Variants in LEMD3 observed in about 807,000 individuals in gnomAD.
LEMD3 encodes LEM domain containing 3, also known as inner nuclear membrane protein Man1.
In LEMD3, 33 loss-of-function variants were observed where a neutral mutation model predicts 95.2. That is an observed-to-expected ratio of 0.35 (90% CI 0.26 to 0.46). LEMD3 has a LOEUF of 0.46. Among genes scored for constraint, LEMD3 ranks in the 20% least tolerant of loss-of-function variants. The pLI is 1.00. For missense variants in LEMD3, 1,210 were observed against 1,192.8 expected, an observed-to-expected ratio of 1.01 and a Z score of -0.21; for synonymous variants, 525 against 474.6, an observed-to-expected ratio of 1.11 and a Z score of -1.38.
intron 12 of LEMD3, 110 bp downstream of exon 12, chr12:65,246,049 AT>A: frequency 1.6e-6 from 2 of 1,253,774 alleles, no homozygotes; most frequent in Non-Finnish European, 2.3e-6. Flanking sequence ...TTGAGTAATA[AT>A]TTTAGATGAC....
rs758194466 is a variant in LEMD3 at position 65,170,153 on chromosome 12, A to G, written c.557A>G (p.Asn186Ser). The G allele has an allele frequency of 1.3e-6, 2 of 1,483,472 alleles. No individual in the cohort carries two copies. The highest frequency in any genetic ancestry group is 8.9e-7 in the Non-Finnish European group (1 of 1,122,130). 91.9% of individuals were successfully genotyped at this position (1,483,472 alleles called of 1,614,324 possible). A position where few individuals can be genotyped will look rare whatever the true frequency, so the allele number is the denominator to read the frequency against. ...GCCGCCAGCGAGGTGACTAACAGCA[A>G]CTCTGCAGAGCGAAGGAAGCCCCAC... ...PLAASEVTNS[N>S]SAERRKPHSW... The change falls in exon 1 of 13, where the codon AAC (asparagine) becomes AGC (serine). Residue 186 changes from asparagine (N) to serine (S), a missense_variant. By Grantham distance (46) the Asn-to-Ser change is conservative. Transcript: ENST00000308330.
chr12:65,193,435 C>T (rs1869307194), intron 1 of LEMD3, among the ~76,000 whole-genome samples: 1 of 152,044 alleles, frequency 6.6e-6, no homozygotes, highest in African/African-American at 2.4e-5. Context: ...AGGGGCCAGC[C>T]TATGCAGTGT....
intron 4 of LEMD3, among the ~76,000 whole-genome samples, chr12:65,225,386 G>A (rs773546083): frequency 1.3e-4 from 20 of 152,180 alleles, no homozygotes; most frequent in Middle Eastern, 3.4e-3. Flanking sequence ...ATATGTCTGT[G>A]TAGACATTCT....
intron 4 of LEMD3, among the ~76,000 whole-genome samples, chr12:65,236,421 G>A (rs758079198): frequency 6.6e-6 from 1 of 152,050 alleles, no homozygotes; most frequent in Non-Finnish European, 1.5e-5. Flanking sequence ...GGTGGCACAC[G>A]CCTGTAGTAT....
intron 4 of LEMD3, among the ~76,000 whole-genome samples, chr12:65,228,411 T>C (rs1004862312): frequency 6.6e-6 from 1 of 151,202 alleles, no homozygotes; most frequent in African/African-American, 2.4e-5. Flanking sequence ...TATTTTTTTT[T>C]TTGAGGTGGA....
intron 1 of LEMD3, among the ~76,000 whole-genome samples, chr12:65,197,215 TA>T (rs1869460501): frequency 6.6e-6 from 1 of 152,160 alleles, no homozygotes; most frequent in Non-Finnish European, 1.5e-5. Context: ...TGATTTGTTT[TA>T]ATAGTAGTCA....
chr12:65,170,503 G>T lies in LEMD3; in HGVS notation c.907G>T (p.Gly303Cys), dbSNP rs35221558. 743 of 1,614,150 alleles carry T rather than the reference G, an allele frequency of 4.6e-4. 2 individuals carry two copies. The Middle Eastern group carries it at 4.9e-3, about 11-fold the overall frequency. Residue 303 changes from glycine to cysteine, a missense_variant, in exon 1 of 13, where the codon GGC (glycine) becomes TGC (cysteine). Gly to Cys is a radical substitution (Grantham distance 159). Transcript: ENST00000308330. ...CCCCCCGCTGACTGCTAAATCGGCC[G>T]GCGGCAGGCTGGAGACTTCAGTTCA... ...PLPPLTAKSAGGRLETSVQGG... is the reference protein window; with the variant it reads ...PLPPLTAKSACGRLETSVQGG...
chr12:65,186,780 T>C (rs1292573172), intron 1 of LEMD3, among the ~76,000 whole-genome samples: 3 of 151,938 alleles, frequency 2.0e-5, no homozygotes, highest in African/African-American at 7.2e-5. Context: ...AGGAGTTAAG[T>C]AAGTAAAAAT....
chr12:65,243,489 G>T lies in LEMD3; in HGVS notation c.2387+20G>T, dbSNP rs1476262893. 2 of 1,357,012 alleles carry T rather than the reference G, an allele frequency of 1.5e-6. No homozygotes were observed. Among genetic ancestry groups the T allele is most frequent in the African/African-American group, 2.9e-5 (2 of 69,956 alleles). 84.1% of individuals were successfully genotyped at this position (1,357,012 alleles called of 1,614,324 possible). A position where few individuals can be genotyped will look rare whatever the true frequency, so the allele number is the denominator to read the frequency against. ...CGTTATGTAAGTATTATGATCAGGG[G>T]TACATGTAACTCTTATTCTGAATAT... On this transcript the variant is annotated intron_variant, in intron 10 of 12. Transcript: ENST00000308330.
At chr12:65,178,528 C>T (rs1307223766) in intron 1 of LEMD3, among the ~76,000 whole-genome samples, 2 of 152,008 alleles carry the variant, frequency 1.3e-5, no homozygotes, top group African/African-American at 2.4e-5. Flanking sequence ...CCTCAATATC[C>T]TCATATGAAA....
At chr12:65,208,772 TATC>T (rs1869839730) in intron 1 of LEMD3, among the ~76,000 whole-genome samples, 2 of 152,086 alleles carry the variant, frequency 1.3e-5, no homozygotes, top group South Asian at 2.1e-4. Flanking sequence ...AGGTGGCAAT[TATC>T]ATGAGCATTT....
At chr12:65,205,925 G>C (rs1869746079) in intron 1 of LEMD3, among the ~76,000 whole-genome samples, 1 of 152,132 alleles carries the variant, frequency 6.6e-6, no homozygotes, top group Non-Finnish European at 1.5e-5. Context: ...CAAGGGAACT[G>C]TTCCTGTCAT....
Position 65,240,163 on chromosome 12 carries a change from G to T in LEMD3, c.2051G>T (p.Cys684Phe), listed in dbSNP as rs1160700407. The change falls in exon 8 of 13, where the codon TGC (cysteine) becomes TTC (phenylalanine). Residue 684 changes from cysteine (C) to phenylalanine (F), a missense_variant. Transcript: ENST00000308330. ...IDVLRSHNEA[C>F]QENKDLQPYM... ...GTTTTACGAAGTCATAATGAAGCCT[G>T]CCAGGAAAACAAAGATTTACAACCT... The T allele has an allele frequency of 1.2e-6, 2 of 1,613,490 alleles. No individual in the cohort carries two copies. Among genetic ancestry groups the T allele is most frequent in the Non-Finnish European group, 1.7e-6 (2 of 1,179,686 alleles).
At chr12:65,171,759 T>C (rs1868557334) in intron 1 of LEMD3, 1 of 155,082 alleles carries the variant, frequency 6.4e-6, no homozygotes, top group East Asian at 1.9e-4. Context: ...TTTCCTTGGA[T>C]TGGTTTCCAG....
chr12:65,218,911 C>G (rs144674423), intron 4 of LEMD3, among the ~76,000 whole-genome samples: 1 of 151,366 alleles, frequency 6.6e-6, no homozygotes, highest in Non-Finnish European at 1.5e-5. Flanking sequence ...GCCTCAGCCT[C>G]GCGAGTAGCT....
At chr12:65,179,801 G>A (rs1868844555) in intron 1 of LEMD3, among the ~76,000 whole-genome samples, 2 of 152,076 alleles carry the variant, frequency 1.3e-5, no homozygotes, top group African/African-American at 2.4e-5. Flanking sequence ...TTTTAATCTT[G>A]TATTGATTAT....
rs1212082150 is a variant in LEMD3, at chr12:65,170,514, G to A, written c.918G>A (p.Leu306=). 1 of 1,614,120 alleles carries A rather than the reference G, an allele frequency of 6.2e-7. No individual in the cohort carries two copies. The highest frequency in any genetic ancestry group is 8.5e-7 in the Non-Finnish European group (1 of 1,180,014). ...PLTAKSAGGR[L]ETSVQGGGGL... is the part of the protein sequence containing the mutation. ...CTGCTAAATCGGCCGGCGGCAGGCT[G>A]GAGACTTCAGTTCAGGGAGGGGGAG... Residue 306 remains leucine, a synonymous_variant, in exon 1 of 13, where the codon CTG becomes CTA. Transcript: ENST00000308330.
chr12:65,242,317 T>C (rs1275153516), intron 9 of LEMD3, among the ~76,000 whole-genome samples: 2 of 152,208 alleles, frequency 1.3e-5, no homozygotes, highest in Non-Finnish European at 2.9e-5. Context: ...GGCCATCTTT[T>C]TTTTCCCACT....
Position 65,248,132 on chromosome 12 carries a change from C to A in LEMD3, c.*1807C>A, listed in dbSNP as rs1871170413. ...AAACATATTTCATGTAAACATTGTA[C>A]ATTTATTATTGTAATATATACTATT... On this transcript the variant is annotated 3_prime_UTR_variant, in exon 13 of 13. Coordinates refer to ENST00000308330, the MANE Select transcript of LEMD3 (RefSeq NM_014319.5). 1.3e-5 allele frequency: 2 copies of A among 152,372 alleles called. No homozygotes were observed. Among genetic ancestry groups the A allele is most frequent in the Admixed American group, 1.3e-4 (2 of 15,244 alleles). The allele number at this position is 152,372 out of a possible 1,614,324, so 9.4% of individuals were successfully genotyped here. A position where few individuals can be genotyped will look rare whatever the true frequency, so the allele number is the denominator to read the frequency against.
Sources: gnomAD v4.1 joint callset for allele counts (sites outside exome capture counted in the v4.1 genomes callset) on GRCh38, gnomAD v4.1.1 for gene constraint, MANE v1.5 for transcripts, NCBI Gene and HGNC (gene_info 2026-07-23, HGNC 2026-07-21) for gene names.